RGPD3: variants seen among roughly 807,000 people sequenced by gnomAD.
RGPD3 encodes RANBP2 like and GRIP domain containing 3.
RGPD3 carries 62 observed loss-of-function variants against 154.5 expected under a neutral mutation model. The ratio of observed to expected loss-of-function variants is 0.40; its 90% CI spans 0.33 to 0.50. RGPD3 has a LOEUF of 0.50. RGPD3 is among the 20% of genes least tolerant of loss of function. The pLI is 0.59. For missense variants in RGPD3, 919 were observed against 1,716.8 expected (o/e 0.54, Z 8.21); for synonymous variants, 308 against 607.0 (o/e 0.51, Z 7.24).
chr2:106,448,574 C>T (rs1397313563), intron 6 of RGPD3, among the ~76,000 whole-genome samples: 4 of 150,946 alleles, frequency 2.6e-5, no homozygotes, highest in Admixed American at 6.6e-5. Context: ...GTCTAAAGAT[C>T]TCTGAGGGTG....
chr2:106,465,578 T>A lies in RGPD3; in HGVS notation c.72+2639A>T, dbSNP rs540350154. On this transcript the variant is annotated intron_variant, in intron 1 of 22. Coordinates refer to ENST00000409886, the MANE Select transcript of RGPD3 (RefSeq NM_001144013.2). ...AAGCTTGCTTTTTTTTTTTTAAGCTTGTTTAAAAAAAAAAAAATCAGGCTG... is the reference window on the plus strand; with the variant it reads ...AAGCTTGCTTTTTTTTTTTTAAGCTAGTTTAAAAAAAAAAAAATCAGGCTG... 4.7e-3 allele frequency among the ~76,000 whole-genome samples: 697 copies of A among 149,792 alleles called. 6 individuals are homozygous for A. The highest frequency in any genetic ancestry group is 0.016 in the African/African-American group (634 of 40,762).
chr2:106,466,563 G>A (rs1409124803), intron 1 of RGPD3, among the ~76,000 whole-genome samples: 1 of 120,832 alleles, frequency 8.3e-6, no homozygotes, highest in African/African-American at 3.2e-5. Context: ...GGTCGAGGCC[G>A]GCGCCTCAAC....
chr2:106,451,305 C>A (rs958097734), intron 6 of RGPD3, among the ~76,000 whole-genome samples: 11 of 151,930 alleles, frequency 7.2e-5, no homozygotes, highest in Non-Finnish European at 1.5e-4. Context: ...CAATTTAGGT[C>A]ACTATGTACT....
At chr2:106,467,881 G>A (rs1379067267) in intron 1 of RGPD3, among the ~76,000 whole-genome samples, 4 of 140,792 alleles carry the variant, frequency 2.8e-5, no homozygotes, top group African/African-American at 8.1e-5. Context: ...CGAGGCCGCC[G>A]CAGGGCCAGG....
rs1677084733 is a variant in RGPD3 at position 106,423,812 on chromosome 2, T to G, written c.4155A>C (p.Leu1385Phe). 6.2e-7 allele frequency: 1 copy of G among 1,611,930 alleles called. No individual in the cohort carries two copies. Among genetic ancestry groups the G allele is most frequent in the Admixed American group, 1.7e-5 (1 of 60,000 alleles). ...GAACGTGCTTATTATCATAATTCTGTAAAATCTTTATATCACCAATGCCCC... is the reference window on the plus strand; with the variant it reads ...GAACGTGCTTATTATCATAATTCTGGAAAATCTTTATATCACCAATGCCCC... Reference protein sequence around the residue: ...KERGIGDIKILQNYDNKHVRI... With the variant: ...KERGIGDIKIFQNYDNKHVRI... The change falls in exon 20 of 23, where the codon TTA (leucine) becomes TTC (phenylalanine). Residue 1385 changes from leucine to phenylalanine, a missense_variant. Physicochemically the swap from Leu to Phe is conservative, Grantham distance 22 (BLOSUM62 0). Transcript: ENST00000409886.
In RGPD3 at chr2:106,424,437, T is replaced by G. The variant is rs1373590718; in HGVS notation, c.3530A>C (p.Gln1177Pro). The change falls in exon 20 of 23, where the codon CAA (glutamine) becomes CCA (proline). Residue 1177 changes from glutamine to proline, a missense_variant. Coordinates refer to ENST00000409886, the MANE Select transcript of RGPD3 (RefSeq NM_001144013.2). ...AGTATCTACAAGTTTATGGGGAGTT[T>G]GAAGTGGTATGTCTAACAGAAGCCG... is the stretch of plus-strand genomic sequence containing the variant. The part of the protein sequence containing the change: ...CQRLLLDIPL[Q>P]TPHKLVDTGR... 1.9e-6 allele frequency: 3 copies of G among 1,609,388 alleles called. No individual in the cohort carries two copies. Among genetic ancestry groups the G allele is most frequent in the Non-Finnish European group, 1.7e-6 (2 of 1,179,762 alleles).
chr2:106,446,264 T>TA (rs1239130246), intron 7 of RGPD3, among the ~76,000 whole-genome samples: 16,986 of 73,244 alleles, frequency 0.23, 1,086 homozygotes, highest in Non-Finnish European at 0.27. Context: ...GCAGGCTCAT[T>TA]AAAAAAAAAA....
intron 7 of RGPD3, among the ~76,000 whole-genome samples, chr2:106,446,527 G>A (rs1677938661): frequency 9.9e-6 from 1 of 101,198 alleles, no homozygotes; most frequent in African/African-American, 3.8e-5. Context: ...CCAAGATCGT[G>A]CCACTGCACT....
chr2:106,423,784 T>A lies in RGPD3; in HGVS notation c.4183A>T (p.Ile1395Leu). 1 of 1,612,028 alleles carries A rather than the reference T, an allele frequency of 6.2e-7. No homozygotes were observed. Among genetic ancestry groups the A allele is most frequent in the African/African-American group, 1.3e-5 (1 of 74,962 alleles). The change falls in exon 20 of 23, where the codon ATA becomes TTA. Residue 1395 changes from isoleucine to leucine, a missense_variant. Transcript: ENST00000409886. ...LQNYDNKHVR[I>L]LMRRDQVLKL... Reference sequence around the variant, plus strand: ...AATACTTGGTCCCTTCTCATCAGTATACGAACGTGCTTATTATCATAATTC... The same window carrying A: ...AATACTTGGTCCCTTCTCATCAGTAAACGAACGTGCTTATTATCATAATTC...
chr2:106,455,216 A>G (rs1199113432), intron 4 of RGPD3, among the ~76,000 whole-genome samples: 1 of 149,822 alleles, frequency 6.7e-6, no homozygotes, highest in African/African-American at 2.4e-5. Flanking sequence ...GGACCATGAA[A>G]TACTACTCAG....
At chr2:106,446,428 G>T (rs1289019889) in intron 7 of RGPD3, among the ~76,000 whole-genome samples, 2 of 151,336 alleles carry the variant, frequency 1.3e-5, no homozygotes, top group Non-Finnish European at 2.9e-5. Flanking sequence ...AAATTAGCCA[G>T]GTGTGGTGGC....
chr2:106,403,722 C>A lies in RGPD3; in HGVS notation c.*1497G>T, dbSNP rs1268420031. Among the ~76,000 whole-genome samples the A allele has an allele frequency of 6.6e-6, 1 of 152,278 alleles. No individual in the cohort carries two copies. The highest frequency in any genetic ancestry group is 1.5e-5 in the Non-Finnish European group (1 of 68,054). ...GCTCTGAAATAGATGCATTTTCATT[C>A]ATACATTCGCTAGTTAGGTCTGTTC... On this transcript the variant is annotated 3_prime_UTR_variant, in exon 23 of 23. Transcript: ENST00000409886.
intron 6 of RGPD3, among the ~76,000 whole-genome samples, chr2:106,449,018 C>T (rs1408869084): frequency 6.6e-6 from 1 of 151,188 alleles, no homozygotes; most frequent in East Asian, 2.0e-4. Context: ...GGCTTCATGA[C>T]ATGTAATAGT....
chr2:106,418,251 T>C (rs1365306458), intron 20 of RGPD3, among the ~76,000 whole-genome samples: 6 of 146,762 alleles, frequency 4.1e-5, no homozygotes, highest in African/African-American at 1.5e-4. Context: ...CAGCTCATAA[T>C]ATAGTACTAC....
chr2:106,405,365 G>C (rs1397181104), intron 22 of RGPD3, 136 bp from the exon 23 acceptor site: 1 of 951,722 alleles, frequency 1.1e-6, no homozygotes, highest in African/African-American at 1.8e-5. Context: ...TTTGTTGGGT[G>C]GGGGGGGTTC....
chr2:106,467,813 GCCTC>G, intron 1 of RGPD3, among the ~76,000 whole-genome samples: 1 of 142,290 alleles, frequency 7.0e-6, no homozygotes, highest in Non-Finnish European at 1.5e-5. Flanking sequence ...CGAGGCCGCG[GCCTC>G]AACAGAGCGC....
intron 7 of RGPD3, among the ~76,000 whole-genome samples, chr2:106,445,154 T>TA (rs1677870528): frequency 8.9e-6 from 1 of 112,210 alleles, no homozygotes; most frequent in South Asian, 3.0e-4. Flanking sequence ...CCAGGCGTGG[T>TA]GGTGGGTGCC....
intron 22 of RGPD3, among the ~76,000 whole-genome samples, chr2:106,411,723 C>T (rs555357842): frequency 6.1e-4 from 93 of 152,112 alleles, no homozygotes; most frequent in African/African-American, 2.0e-3. Flanking sequence ...GAGGCTGAGG[C>T]AGGAGAATCG....
chr2:106,448,878 G>A (rs1269765445), intron 6 of RGPD3, among the ~76,000 whole-genome samples: 1 of 150,576 alleles, frequency 6.6e-6, no homozygotes, highest in East Asian at 2.0e-4. Context: ...TTTTAGTAGA[G>A]ACAAGGTTTC....
Sources: allele counts gnomAD v4.1 joint callset (sites outside exome capture counted in the v4.1 genomes callset), GRCh38; gene constraint gnomAD v4.1.1; transcripts MANE v1.5; gene names NCBI Gene and HGNC (gene_info 2026-07-23, HGNC 2026-07-21).